PKD1L1: variants seen among roughly 807,000 people sequenced by gnomAD.
The protein encoded by PKD1L1 is polycystin 1 like 1, transient receptor potential channel interacting.
Under a neutral mutation model 323.4 loss-of-function variants are expected in PKD1L1, and 236 were observed. The observed-to-expected ratio is 0.73, with a 90% CI of 0.66 to 0.81. The LOEUF (loss-of-function observed/expected upper bound fraction) is 0.81, where lower values mean the gene tolerates loss of function less well. Ranked by LOEUF, PKD1L1 falls within the 40% of genes least tolerant of loss-of-function variation. PKD1L1 has a pLI of 0.00. For missense variants in PKD1L1, 3,320 were observed against 3,508.0 expected (o/e 0.95, Z 1.35); for synonymous variants, 1,344 against 1,335.0 (o/e 1.01, Z -0.15).
intron 56 of PKD1L1, among the ~76,000 whole-genome samples, chr7:47,786,900 G>A (rs1786820810): frequency 6.6e-6 from 1 of 152,202 alleles, no homozygotes; most frequent in South Asian, 2.1e-4. Context: ...AGGGGGCCGA[G>A]CTGGCAAGGG....
chr7:47,922,106 G>C (rs900981297), intron 7 of PKD1L1, among the ~76,000 whole-genome samples: 2 of 152,218 alleles, frequency 1.3e-5, no homozygotes, highest in African/African-American at 4.8e-5. Flanking sequence ...TGGAGACGGG[G>C]TTTTGCCGTG....
chr7:47,877,227 C>T (rs1335444317), intron 22 of PKD1L1, among the ~76,000 whole-genome samples: 3 of 152,174 alleles, frequency 2.0e-5, no homozygotes, highest in African/African-American at 4.8e-5. Context: ...GGCTGCAGGG[C>T]AGACGACTCC....
At position 47,775,300 on chromosome 7, in the gene PKD1L1, T is replaced by C. The variant is rs1486184469; in HGVS notation, c.8527-134A>G. ...TCAGCTAACTTGACCAAGGTGACAT[T>C]TACAGAACACTTTGCTCAACAACAG... On this transcript the variant is annotated intron_variant, in intron 56 of 56. Transcript: ENST00000289672. 7 of 889,854 alleles carry C rather than the reference T, an allele frequency of 7.9e-6. No individual in the cohort carries two copies. The Admixed American group carries it at 1.4e-4, about 18-fold the overall frequency. 55.1% of individuals were successfully genotyped at this position (889,854 alleles called of 1,614,324 possible).
At chr7:47,795,886 G>T in intron 55 of PKD1L1, 103 bp downstream of exon 55, 1 of 1,366,632 alleles carries the variant, frequency 7.3e-7, no homozygotes. Context: ...ATTTGGCATG[G>T]AAACATACTC....
chr7:47,818,240 A>G (rs768443538), intron 46 of PKD1L1: 3 of 1,307,892 alleles, frequency 2.3e-6, no homozygotes, highest in Non-Finnish European at 3.0e-6. Flanking sequence ...AAGGAAAGGA[A>G]GAATGAGCCA....
chr7:47,800,871 C>A lies in PKD1L1; in HGVS notation c.7971G>T (p.Gly2657=). The A allele has an allele frequency of 1.9e-6, 3 of 1,613,770 alleles. No individual in the cohort carries two copies. The Admixed American group carries it at 5.0e-5, about 27-fold the overall frequency. The change falls in exon 54 of 57, where the codon GGG becomes GGT. Residue 2657 remains glycine (G), a synonymous_variant. Coordinates refer to ENST00000289672, the MANE Select transcript of PKD1L1 (RefSeq NM_138295.5). The stretch of plus-strand genomic sequence containing the variant: ...GGGAGAGGGCGGCCAGCATCAGTGC[C>A]CCCACCAGCTGCAGAAAGAAAATCC... ...LPSIFVAGLV[G]ALMLAALSHL... is the part of the protein sequence containing the mutation.
chr7:47,817,926 A>G, intron 46 of PKD1L1: 1 of 883,394 alleles, frequency 1.1e-6, no homozygotes, highest in Non-Finnish European at 1.6e-6. Flanking sequence ...AATTTATCTG[A>G]CTGGTTTTAT....
the PKD1L1 span, among the ~76,000 whole-genome samples, chr7:47,957,873 A>ATATATATATATATATATATATC: frequency 1.3e-5 from 2 of 148,254 alleles, no homozygotes; most frequent in South Asian, 2.1e-4. Flanking sequence ...ATATATATAT[A>ATATATATATATATATATATATC]TATATCTAGA....
Position 47,797,218 on chromosome 7 carries a change from C to T in PKD1L1, c.8194-1068G>A, listed in dbSNP as rs1784563082. On this transcript the variant is annotated intron_variant, in intron 54 of 56. Transcript: ENST00000289672. The stretch of plus-strand genomic sequence containing the variant: ...TAAGCTCTCTCTCTGCTGCCCCTCT[C>T]CCCTGAGATCGCCCTTGCTCTTCTT... Among the ~76,000 whole-genome samples, 3 of 152,214 alleles carry T rather than the reference C, an allele frequency of 2.0e-5. No homozygotes were observed. The South Asian group carries it at 6.2e-4, about 32-fold the overall frequency.
intron 7 of PKD1L1, 87 bp downstream of exon 7, chr7:47,929,117 T>A: frequency 1.5e-6 from 2 of 1,364,452 alleles, no homozygotes; most frequent in Non-Finnish European, 2.0e-6. Context: ...GGAATGCAGT[T>A]TCTTTTCTTT....
chr7:47,790,468 C>CT (rs1469598412), intron 56 of PKD1L1, among the ~76,000 whole-genome samples: 1 of 151,720 alleles, frequency 6.6e-6, no homozygotes, highest in Non-Finnish European at 1.5e-5. Context: ...GTAGCTGGGA[C>CT]TACAGGCGCC....
chr7:47,783,279 A>T (rs1228060723), intron 56 of PKD1L1, among the ~76,000 whole-genome samples: 1 of 152,200 alleles, frequency 6.6e-6, no homozygotes, highest in Admixed American at 6.5e-5. Flanking sequence ...AATGATAATC[A>T]ACATGTACTA....
chr7:47,796,029 T>C lies in PKD1L1; in HGVS notation c.8315A>G (p.Glu2772Gly). ...WEKVLTFLRL[E>G]TPKLEEAEMV... ...CTCAGCCTCTTCCAACTTTGGTGTT[T>C]CCAGTCTCAGAAAGGTGAGGACCTT... is the stretch of plus-strand genomic sequence containing the variant. The change falls in exon 55 of 57, where the codon GAA (glutamate) becomes GGA (glycine). Residue 2772 changes from glutamate (E) to glycine (G), a missense_variant. Physicochemically the swap from Glu to Gly is moderately conservative, Grantham distance 98 (BLOSUM62 -2). Transcript: ENST00000289672. 1 of 1,613,316 alleles carries C rather than the reference T, an allele frequency of 6.2e-7. No homozygotes were observed. The highest frequency in any genetic ancestry group is 8.5e-7 in the Non-Finnish European group (1 of 1,179,768).
At position 47,898,178 on chromosome 7, in the gene PKD1L1, G is replaced by A. The variant is rs1292640954; in HGVS notation, c.2081C>T (p.Pro694Leu). 2 of 1,613,796 alleles carry A rather than the reference G, an allele frequency of 1.2e-6. No individual in the cohort carries two copies. Among genetic ancestry groups the A allele is most frequent in the African/African-American group, 2.7e-5 (2 of 74,916 alleles). The change falls in exon 14 of 57, where the codon CCT becomes CTT. Residue 694 changes from proline (P) to leucine (L), a missense_variant. Pro to Leu is a moderately conservative substitution (Grantham distance 98, BLOSUM62 -3). Transcript: ENST00000289672. ...TTCAAACGTCACTCCCAGCCTCACA[G>A]GCTGAGACCTCCATATCTAAGTATC... The part of the protein sequence containing the change: ...PGKVQIWRSQ[P>L]VRLGVTFEAA...
In PKD1L1 at chr7:47,946,399, C is replaced by A. The variant is rs993806200; in HGVS notation, c.44+1998G>T. Among the ~76,000 whole-genome samples, 1 of 113,904 alleles carries A rather than the reference C, an allele frequency of 8.8e-6. No individual in the cohort carries two copies. Among genetic ancestry groups the A allele is most frequent in the Non-Finnish European group, 1.8e-5 (1 of 54,522 alleles). The allele number at this position is 113,904 out of a possible 152,430, so 74.7% of individuals were successfully genotyped here. A position where few individuals can be genotyped will look rare whatever the true frequency, so the allele number is the denominator to read the frequency against. On this transcript the variant is annotated intron_variant, in intron 1 of 56. Transcript: ENST00000289672. The surrounding 1 kb of genome is among the most constrained non-coding windows in gnomAD (Gnocchi z 4.1). ...CACACCACACCACACTCACACCACACAAACACACCACACAGCATCACACAC... is the reference window on the plus strand; with the variant it reads ...CACACCACACCACACTCACACCACAAAAACACACCACACAGCATCACACAC...
chr7:47,929,619 G>A, intron 6 of PKD1L1, 93 bp from the exon 7 acceptor site: 2 of 1,196,688 alleles, frequency 1.7e-6, no homozygotes, highest in Non-Finnish European at 2.3e-6. Flanking sequence ...GGTCCAGCCA[G>A]CTAGAAGCCA....
chr7:47,799,963 A>G (rs1584950853), intron 54 of PKD1L1, among the ~76,000 whole-genome samples: 1 of 152,234 alleles, frequency 6.6e-6, no homozygotes, highest in East Asian at 1.9e-4. Flanking sequence ...CAGGTCAACA[A>G]CAAATAACTT....
At chr7:47,914,933 C>T (rs1414423963) in intron 8 of PKD1L1, among the ~76,000 whole-genome samples, 3 of 152,206 alleles carry the variant, frequency 2.0e-5, no homozygotes, top group Non-Finnish European at 4.4e-5. Flanking sequence ...AGCAGCCATG[C>T]TGCTCCTAAC....
At chr7:47,813,519 A>G (rs1374459787) in intron 48 of PKD1L1, 3 of 699,746 alleles carry the variant, frequency 4.3e-6, no homozygotes, top group Non-Finnish European at 7.8e-6. Flanking sequence ...TGAGCTGTGT[A>G]TGGTTCTAAG....
Sources: allele counts gnomAD v4.1 joint callset (sites outside exome capture counted in the v4.1 genomes callset), GRCh38; gene constraint gnomAD v4.1.1; non-coding constraint Gnocchi (gnomAD v3.1); transcripts MANE v1.5; gene names NCBI Gene and HGNC (gene_info 2026-07-23, HGNC 2026-07-21).